THSD4: variants seen among roughly 807,000 people sequenced by gnomAD.
THSD4 encodes thrombospondin type-1 domain-containing protein 4.
In THSD4, 69 loss-of-function variants were observed where a neutral mutation model predicts 119.0. The observed-to-expected ratio is 0.58, with a 90% CI of 0.48 to 0.71. The LOEUF is 0.71. Among genes scored for constraint, THSD4 ranks in the 30% least tolerant of loss-of-function variants. The probability of loss-of-function intolerance (pLI) is 0.00; values close to 1 mark genes in which losing one functional copy is unlikely to be tolerated. For missense variants in THSD4, 1,393 were observed against 1,391.1 expected, an observed-to-expected ratio of 1.00 and a Z score of -0.02; for synonymous variants, 524 against 540.4, an observed-to-expected ratio of 0.97 and a Z score of 0.42.
chr15:71,595,224 C>T (rs1027372225), intron 7 of THSD4, among the ~76,000 whole-genome samples: 2 of 152,148 alleles, frequency 1.3e-5, no homozygotes, highest in African/African-American at 4.8e-5. Flanking sequence ...ACTGTGAATC[C>T]TAAAGATTTG....
chr15:71,442,342 G>A (rs910272694), intron 7 of THSD4, among the ~76,000 whole-genome samples: 2 of 151,480 alleles, frequency 1.3e-5, no homozygotes, highest in Non-Finnish European at 2.9e-5. Context: ...GCCAAGCCAG[G>A]CAGATCACCT....
intron 8 of THSD4, among the ~76,000 whole-genome samples, chr15:71,692,071 C>T (rs2052064600): frequency 6.6e-6 from 1 of 152,144 alleles, no homozygotes. Context: ...GTTCTCTATC[C>T]AAATGACCAG....
At chr15:71,668,661 G>A (rs567231382) in intron 8 of THSD4, among the ~76,000 whole-genome samples, 1 of 152,314 alleles carries the variant, frequency 6.6e-6, no homozygotes, top group East Asian at 1.9e-4. Context: ...TTGTGGAATT[G>A]GAGAAAGGGC....
At chr15:71,193,018 G>A (rs370690966) in intron 3 of THSD4, among the ~76,000 whole-genome samples, 6 of 152,172 alleles carry the variant, frequency 3.9e-5, no homozygotes, top group African/African-American at 1.4e-4. Context: ...AATGAGCAGT[G>A]GGACCTCCCC....
chr15:71,626,430 A>T (rs928378747), intron 7 of THSD4, among the ~76,000 whole-genome samples: 2 of 152,114 alleles, frequency 1.3e-5, no homozygotes, highest in Non-Finnish European at 2.9e-5. Context: ...CTCTTTTGAG[A>T]GTGGTGGTTT....
rs1356893548 is a variant in THSD4 at position 71,326,706 on chromosome 15, T to A, written c.1015+69991T>A. Among the ~76,000 whole-genome samples, 51 of 54,066 alleles carry A rather than the reference T, an allele frequency of 9.4e-4. 1 individual carries two copies. The highest frequency in any genetic ancestry group is 8.8e-3 in the East Asian group (13 of 1,474). 35.5% of individuals were successfully genotyped at this position (54,066 alleles called of 152,430 possible). ...AAAAAAAAAAAAAAAAAAAAATATA[T>A]ATATATATATATATATATATTAGCT... On this transcript the variant is annotated intron_variant, in intron 6 of 17. Coordinates refer to ENST00000261862, the MANE Select transcript of THSD4 (RefSeq NM_024817.3).
intron 11 of THSD4, among the ~76,000 whole-genome samples, chr15:71,741,659 GCCCATATACA>G (rs2053237131): frequency 6.7e-6 from 1 of 149,312 alleles, no homozygotes; most frequent in Non-Finnish European, 1.5e-5. Context: ...TCAATATTTA[GCCCATATACA>G]CCCATGTGTG....
At chr15:71,702,559 A>T (rs1212527254) in intron 8 of THSD4, among the ~76,000 whole-genome samples, 1 of 152,170 alleles carries the variant, frequency 6.6e-6, no homozygotes, top group African/African-American at 2.4e-5. Context: ...GCAGAATGTT[A>T]CTTGAGAATG....
At chr15:71,135,392 C>CAA (rs1170278742) in intron 1 of THSD4, among the ~76,000 whole-genome samples, 30,940 of 122,244 alleles carry the variant, frequency 0.25, 5,204 homozygotes, top group African/African-American at 0.48. Context: ...TACTAAATGA[C>CAA]AAAAAAAAAA....
intron 3 of THSD4, among the ~76,000 whole-genome samples, chr15:71,208,180 T>C (rs2043860490): frequency 6.6e-6 from 1 of 152,150 alleles, no homozygotes; most frequent in Non-Finnish European, 1.5e-5. Context: ...CCTGAATACA[T>C]TTCCACCACA....
intron 7 of THSD4, among the ~76,000 whole-genome samples, chr15:71,518,203 C>G (rs932075444): frequency 6.6e-6 from 1 of 152,046 alleles, no homozygotes; most frequent in Admixed American, 6.6e-5. Flanking sequence ...CTGTTTACCT[C>G]CCCCCACCTC....
upstream of THSD4, chr15:71,111,116 C>A (rs1320039858): frequency 1.9e-6 from 3 of 1,575,406 alleles, no homozygotes; most frequent in East Asian, 6.8e-5. Context: ...TCTGGGATTC[C>A]AAAAGTTGTC....
intron 8 of THSD4, among the ~76,000 whole-genome samples, chr15:71,689,538 T>G (rs1430792785): frequency 6.6e-6 from 1 of 152,116 alleles, no homozygotes; most frequent in East Asian, 1.9e-4. Context: ...TGTCATAAAA[T>G]CAGTAACCCA....
chr15:71,631,853 C>T (rs982976959), intron 7 of THSD4, among the ~76,000 whole-genome samples: 29 of 152,272 alleles, frequency 1.9e-4, no homozygotes, highest in Admixed American at 4.6e-4. Context: ...CTCTGGGTTT[C>T]GGTTCAGGGA....
chr15:71,281,557 C>G (rs772454990), intron 6 of THSD4, among the ~76,000 whole-genome samples: 14 of 152,178 alleles, frequency 9.2e-5, no homozygotes, highest in Non-Finnish European at 2.1e-4. Context: ...AATGACTATT[C>G]AGGTTGCAAA....
chr15:71,413,898 A>T (rs1163383450), intron 7 of THSD4, among the ~76,000 whole-genome samples: 1 of 152,210 alleles, frequency 6.6e-6, no homozygotes, highest in African/African-American at 2.4e-5. Flanking sequence ...TCCAGCTTTA[A>T]TGTTCCCTGC....
intron 6 of THSD4, among the ~76,000 whole-genome samples, chr15:71,316,971 A>G (rs1392007114): frequency 2.0e-5 from 3 of 152,234 alleles, no homozygotes; most frequent in African/African-American, 7.2e-5. Context: ...AAGGTTGCTT[A>G]GAAAGTGGTT....
intron 3 of THSD4, among the ~76,000 whole-genome samples, chr15:71,206,442 C>G (rs1322668951): frequency 6.6e-6 from 1 of 152,198 alleles, no homozygotes; most frequent in Non-Finnish European, 1.5e-5. Context: ...ACTTTGTTCT[C>G]AGGGCTCAAA....
In THSD4 at chr15:71,725,347, C is replaced by T. The variant is rs1483643381; in HGVS notation, c.1358-3202C>T. 2.6e-5 allele frequency among the ~76,000 whole-genome samples: 4 copies of T among 152,072 alleles called. No homozygotes were observed. The East Asian group carries it at 7.7e-4, about 29-fold the overall frequency. On this transcript the variant is annotated intron_variant, in intron 8 of 17. Coordinates refer to ENST00000261862, the MANE Select transcript of THSD4 (RefSeq NM_024817.3). ...GTAATTACATATGAAATTCTAAGGCCAGAGGCAAAGTTTGGCCTGTCAACA... is the reference window on the plus strand; with the variant it reads ...GTAATTACATATGAAATTCTAAGGCTAGAGGCAAAGTTTGGCCTGTCAACA...
Sources: allele counts gnomAD v4.1 joint callset (sites outside exome capture counted in the v4.1 genomes callset), GRCh38; gene constraint gnomAD v4.1.1; transcripts MANE v1.5; gene names NCBI Gene and HGNC (gene_info 2026-07-23, HGNC 2026-07-21).